CAB39L: variants seen among roughly 807,000 people sequenced by gnomAD.
The protein encoded by CAB39L is calcium-binding protein 39-like.
Under a neutral mutation model 39.1 loss-of-function variants are expected in CAB39L, and 23 were observed. The observed-to-expected ratio is 0.59, with a 90% CI of 0.42 to 0.83. The LOEUF (loss-of-function observed/expected upper bound fraction) is 0.83, where lower values mean the gene tolerates loss of function less well. Among genes scored for constraint, CAB39L ranks in the 40% least tolerant of loss-of-function variants. The pLI is 0.00. For synonymous variants in CAB39L, 126 were observed against 137.2 expected, an observed-to-expected ratio of 0.92 and a Z score of 0.57; for missense variants, 366 against 391.9, an observed-to-expected ratio of 0.93 and a Z score of 0.56.
At chr13:49,366,479 T>A (rs547186868) in intron 5 of CAB39L, among the ~76,000 whole-genome samples, 2 of 151,224 alleles carry the variant, frequency 1.3e-5, no homozygotes, top group East Asian at 3.9e-4. Flanking sequence ...ATACAAAAAT[T>A]AGCTAGGCTT....
At chr13:49,438,969 T>C (rs1324704484) in intron 1 of CAB39L, among the ~76,000 whole-genome samples, 2 of 152,230 alleles carry the variant, frequency 1.3e-5, no homozygotes, top group East Asian at 1.9e-4. Context: ...GTATATTCAG[T>C]GTTACATAAA....
intron 5 of CAB39L, among the ~76,000 whole-genome samples, chr13:49,367,330 C>T (rs973957888): frequency 6.6e-6 from 1 of 152,134 alleles, no homozygotes; most frequent in Non-Finnish European, 1.5e-5. Context: ...TTATTACATG[C>T]CTATCAGAAT....
chr13:49,354,378 C>A (rs1208131308), intron 6 of CAB39L, among the ~76,000 whole-genome samples: 2 of 152,176 alleles, frequency 1.3e-5, no homozygotes, highest in Non-Finnish European at 2.9e-5. Context: ...ATCATTTCTA[C>A]CTGACTACCC....
chr13:49,441,224 T>TAG (rs1491026228), intron 1 of CAB39L, among the ~76,000 whole-genome samples: 1 of 105,300 alleles, frequency 9.5e-6, no homozygotes, highest in Non-Finnish European at 1.7e-5. Context: ...ATTTAGTGTA[T>TAG]ATATATATAT....
intron 3 of CAB39L, among the ~76,000 whole-genome samples, chr13:49,416,119 C>T (rs553957523): frequency 1.3e-5 from 2 of 152,340 alleles, no homozygotes; most frequent in African/African-American, 2.4e-5. Flanking sequence ...ACCACATCTT[C>T]TGGAAAGTCT....
intron 5 of CAB39L, among the ~76,000 whole-genome samples, chr13:49,371,965 G>C (rs1305670445): frequency 6.6e-6 from 1 of 152,092 alleles, no homozygotes; most frequent in Non-Finnish European, 1.5e-5. Flanking sequence ...ACAATTTTCT[G>C]CTTCTTTGAG....
chr13:49,339,013 C>A (rs1954926290), intron 9 of CAB39L, among the ~76,000 whole-genome samples: 1 of 151,226 alleles, frequency 6.6e-6, no homozygotes, highest in Non-Finnish European at 1.5e-5. Context: ...ACTATATAAA[C>A]ATAATTTGAT....
intron 1 of CAB39L, among the ~76,000 whole-genome samples, chr13:49,442,796 A>AAAAAAC (rs1566146105): frequency 2.5e-4 from 11 of 43,836 alleles, no homozygotes; most frequent in African/African-American, 4.8e-4. Flanking sequence ...TCAAAAAAAA[A>AAAAAAC]AAAAAAAAAA....
intron 10 of CAB39L, among the ~76,000 whole-genome samples, chr13:49,313,111 T>C (rs1037010591): frequency 2.6e-5 from 4 of 152,166 alleles, no homozygotes; most frequent in Non-Finnish European, 5.9e-5. Flanking sequence ...AGGACAAACG[T>C]GAATAGTCCT....
At chr13:49,401,708 A>C (rs1308160152) in intron 3 of CAB39L, 1 of 152,194 alleles carries the variant, frequency 6.6e-6, no homozygotes, top group African/African-American at 2.4e-5. Context: ...TAAGTCTTAT[A>C]CTTGTTCATG....
chr13:49,372,654 G>T (rs1244893169), intron 5 of CAB39L, among the ~76,000 whole-genome samples: 1 of 152,004 alleles, frequency 6.6e-6, no homozygotes, highest in East Asian at 1.9e-4. Context: ...CACTCAACTT[G>T]TTTTTTGTTG....
chr13:49,424,479 A>G (rs1485812788), intron 3 of CAB39L, among the ~76,000 whole-genome samples: 1 of 152,246 alleles, frequency 6.6e-6, no homozygotes, highest in Non-Finnish European at 1.5e-5. Flanking sequence ...CATGATGACT[A>G]CATGTAACGT....
intron 1 of CAB39L, among the ~76,000 whole-genome samples, chr13:49,439,921 GTTTTTTTT>G (rs34993624): frequency 0.083 from 6,565 of 78,864 alleles, 289 homozygotes; most frequent in South Asian, 0.24. Context: ...TTTTTAATGG[GTTTTTTTT>G]TTTTTTTTTT....
At chr13:49,381,582 T>C (rs1481925895) in intron 4 of CAB39L, among the ~76,000 whole-genome samples, 1 of 152,200 alleles carries the variant, frequency 6.6e-6, no homozygotes, top group Admixed American at 6.5e-5. Context: ...ATAGCTTAGT[T>C]CCACTGATTT....
intron 5 of CAB39L, among the ~76,000 whole-genome samples, chr13:49,367,835 T>C (rs1027034397): frequency 2.0e-5 from 3 of 151,994 alleles, no homozygotes; most frequent in Non-Finnish European, 2.9e-5. Flanking sequence ...GGAGGATCAC[T>C]TGAGCCTAGA....
At chr13:49,372,709 C>T (rs921499943) in intron 5 of CAB39L, among the ~76,000 whole-genome samples, 2 of 152,116 alleles carry the variant, frequency 1.3e-5, no homozygotes, top group South Asian at 2.1e-4. Context: ...CTCGCTCTGT[C>T]GCCCAGTCTG....
At chr13:49,441,438 A>C (rs1466182523) in intron 1 of CAB39L, among the ~76,000 whole-genome samples, 1 of 151,554 alleles carries the variant, frequency 6.6e-6, no homozygotes, top group Non-Finnish European at 1.5e-5. Flanking sequence ...ATGGTGGCAC[A>C]TATCTATAGT....
intron 9 of CAB39L, among the ~76,000 whole-genome samples, chr13:49,335,545 A>C (rs1326901151): frequency 1.3e-5 from 2 of 152,218 alleles, no homozygotes; most frequent in Non-Finnish European, 2.9e-5. Flanking sequence ...AGTAAATGGG[A>C]AACACACATA....
intron 6 of CAB39L, 54 bp downstream of exon 6, chr13:49,359,660 C>A: frequency 1.1e-6 from 1 of 914,462 alleles, no homozygotes; most frequent in Non-Finnish European, 1.8e-6. Context: ...ATGCTATGCA[C>A]TTTTAACAAC....
Sources: gnomAD v4.1 joint callset for allele counts (sites outside exome capture counted in the v4.1 genomes callset) on GRCh38, gnomAD v4.1.1 for gene constraint, MANE v1.5 for transcripts, NCBI Gene and HGNC (gene_info 2026-07-23, HGNC 2026-07-21) for gene names.